The following PLXNB2 variants were observed in gnomAD, a reference collection of about 807,000 sequenced individuals.
The protein encoded by PLXNB2 is plexin-B2.
Under a neutral mutation model 202.6 loss-of-function variants are expected in PLXNB2, and 85 were observed. The ratio of observed to expected loss-of-function variants is 0.42; its 90% CI spans 0.35 to 0.50. The LOEUF (loss-of-function observed/expected upper bound fraction) is 0.50, where lower values mean the gene tolerates loss of function less well. Ranked by LOEUF, PLXNB2 falls within the 20% of genes least tolerant of loss-of-function variation. PLXNB2 has a pLI of 0.02. For missense variants in PLXNB2, 2,063 were observed against 2,586.2 expected (o/e 0.80, Z 4.39); for synonymous variants, 1,239 against 1,137.6 (o/e 1.09, Z -1.79).
intron 1 of PLXNB2, among the ~76,000 whole-genome samples, chr22:50,302,653 C>T (rs1601781722): frequency 6.6e-6 from 1 of 152,184 alleles, no homozygotes; most frequent in Non-Finnish European, 1.5e-5. Flanking sequence ...TCGGTGCCAA[C>T]ATAGGAGTGG....
rs764718458 is a variant in PLXNB2, at chr22:50,280,662, G to T, written c.4002C>A (p.His1334Gln). Residue 1334 changes from histidine (H) to glutamine (Q), a missense_variant, in exon 25 of 37, where the codon CAC (histidine) becomes CAA (glutamine). Coordinates refer to ENST00000359337, the MANE Select transcript of PLXNB2 (RefSeq NM_012401.4). Reference protein sequence around the residue: ...NSKSFLINFIHTLENQREFSA... With the variant: ...NSKSFLINFIQTLENQREFSA... ...AGAACTCCCGCTGGTTCTCCAGGGTGTGGATGAACTGTAGGGGCCGGCGGT... is the reference window on the plus strand; with the variant it reads ...AGAACTCCCGCTGGTTCTCCAGGGTTTGGATGAACTGTAGGGGCCGGCGGT... 3 of 1,612,080 alleles carry T rather than the reference G, an allele frequency of 1.9e-6. No homozygotes were observed. Among genetic ancestry groups the T allele is most frequent in the Non-Finnish European group, 2.5e-6 (3 of 1,179,534 alleles).
At chr22:50,276,785 C>T in intron 34 of PLXNB2, 57 bp downstream of exon 34, 7 of 1,598,532 alleles carry the variant, frequency 4.4e-6, no homozygotes, top group South Asian at 1.1e-5. Flanking sequence ...CCTGAACCTC[C>T]CCGCAGGGGG....
At chr22:50,292,102 C>G (rs2066909126) in intron 2 of PLXNB2, among the ~76,000 whole-genome samples, 1 of 152,184 alleles carries the variant, frequency 6.6e-6, no homozygotes, top group South Asian at 2.1e-4. Flanking sequence ...CCTTGGGAGG[C>G]CGAGGCGGGC....
chr22:50,292,508 G>A lies in PLXNB2; in HGVS notation c.-13-1911C>T, dbSNP rs144488854. On this transcript the variant is annotated intron_variant, in intron 2 of 36. Transcript: ENST00000359337. The stretch of plus-strand genomic sequence containing the variant: ...AGCAGAATTTACCCAAGGCCACACC[G>A]CGGGCATGGGTGGGGCTGGGATTCT... Among the ~76,000 whole-genome samples, 127 of 152,234 alleles carry A rather than the reference G, an allele frequency of 8.3e-4. 1 individual carries two copies. Among genetic ancestry groups the A allele is most frequent in the African/African-American group, 2.8e-3 (118 of 41,534 alleles).
chr22:50,293,343 G>A (rs533039710), intron 2 of PLXNB2, among the ~76,000 whole-genome samples: 2 of 152,142 alleles, frequency 1.3e-5, no homozygotes, highest in Non-Finnish European at 2.9e-5. Context: ...GCGCCTGCCC[G>A]AAGGCTCCCC....
At position 50,287,203 on chromosome 22, in the gene PLXNB2, A is replaced by C; in HGVS notation, c.1670T>G (p.Phe557Cys). 1 of 1,550,130 alleles carries C rather than the reference A, an allele frequency of 6.5e-7. No homozygotes were observed. Among genetic ancestry groups the C allele is most frequent in the Non-Finnish European group, 8.7e-7 (1 of 1,146,798 alleles). Residue 557 changes from phenylalanine (F) to cysteine (C), a missense_variant, in exon 8 of 37, where the codon TTT becomes TGT. Transcript: ENST00000359337. ...GGCGGGGTGTGGCGGCGACTCCCCA[A>C]AAAGGCACAGCAACTCGTCCTCCTC... Reference protein sequence around the residue: ...LSEEDELLCLFGESPPHPARV... With the variant: ...LSEEDELLCLCGESPPHPARV...
At chr22:50,303,476 C>G (rs1347033888) in intron 1 of PLXNB2, among the ~76,000 whole-genome samples, 1 of 152,192 alleles carries the variant, frequency 6.6e-6, no homozygotes, top group Non-Finnish European at 1.5e-5. Context: ...AACAGAAGGT[C>G]ACCTGGGAAG....
intron 1 of PLXNB2, among the ~76,000 whole-genome samples, chr22:50,296,972 G>A (rs1002674520): frequency 2.6e-5 from 4 of 152,212 alleles, no homozygotes; most frequent in South Asian, 4.1e-4. Context: ...AAAGGGCTGG[G>A]GAGAGGATGA....
Position 50,306,508 on chromosome 22 carries a change from G to A in PLXNB2, c.-74+1045C>T, listed in dbSNP as rs185586486. 3.9e-3 allele frequency among the ~76,000 whole-genome samples: 588 copies of A among 151,446 alleles called. 4 individuals carry two copies. The highest frequency in any genetic ancestry group is 0.013 in the African/African-American group (526 of 41,370). ...AGAGCCCCCACTTCCCGGCAGCCTC[G>A]CTCTCCCACCCGCAAAGGGCTCCTG... On this transcript the variant is annotated intron_variant, in intron 1 of 36. Transcript: ENST00000359337.
At position 50,287,124 on chromosome 22, in the gene PLXNB2, T is replaced by C. The variant is rs28513473; in HGVS notation, c.1749A>G (p.Thr583=). The C allele has an allele frequency of 0.1, 156,709 of 1,524,128 alleles. 9,459 individuals carry two copies. Among genetic ancestry groups the C allele is most frequent in the East Asian group, 0.27 (10,900 of 40,208 alleles). The allele number at this position is 1,524,128 out of a possible 1,614,324, so 94.4% of individuals were successfully genotyped here. The change falls in exon 8 of 37, where the codon ACA becomes ACG. Residue 583 remains threonine, a synonymous_variant. Transcript: ENST00000359337. The part of the protein sequence containing the change: ...ICNSPSSIPV[T]PPGQDHVAVT... ...AAGGGGCCTCACCCTGGCCTGGCGG[T>C]GTGACGGGGATGCTGCTTGGGGAGT...
intron 27 of PLXNB2, among the ~76,000 whole-genome samples, chr22:50,279,339 G>A (rs539189989): frequency 6.6e-6 from 1 of 152,350 alleles, no homozygotes; most frequent in South Asian, 2.1e-4. Flanking sequence ...CACTGGTCAT[G>A]TATGCACAGA....
chr22:50,289,554 G>A lies in PLXNB2; in HGVS notation c.1031C>T (p.Pro344Leu). 6.2e-7 allele frequency: 1 copy of A among 1,611,986 alleles called. No individual in the cohort carries two copies. Among genetic ancestry groups the A allele is most frequent in the Non-Finnish European group, 8.5e-7 (1 of 1,179,864 alleles). The change falls in exon 3 of 37, where the codon CCC becomes CTC. Residue 344 changes from proline (P) to leucine (L), a missense_variant. Pro to Leu is a moderately conservative substitution (Grantham distance 98). This residue lies in a region of PLXNB2 where 1,303 missense variants were observed against 1,476.8 expected (regional missense o/e 0.88). Transcript: ENST00000359337. The surrounding 1 kb of genome is among the most constrained non-coding windows in gnomAD (Gnocchi z 8.0). Reference sequence around the variant, plus strand: ...GCCGCACTGGATATCGCCGTGGAAGGGCTTGTAGAAGATGTCACGGGCCTC... The same window carrying A: ...GCCGCACTGGATATCGCCGTGGAAGAGCTTGTAGAAGATGTCACGGGCCTC... ...TREARDIFYKPFHGDIQCGGH... is the reference protein window; with the variant it reads ...TREARDIFYKLFHGDIQCGGH...
rs111676082 is a variant in PLXNB2, at chr22:50,290,926, G to A, written c.-13-329C>T. Among the ~76,000 whole-genome samples, 1,262 of 152,228 alleles carry A rather than the reference G, an allele frequency of 8.3e-3. 16 individuals are homozygous for A. The highest frequency in any genetic ancestry group is 0.028 in the African/African-American group (1,179 of 41,522). Reference sequence around the variant, plus strand: ...GCAAGGAGTTGACGCCCCCAGAAAGGCTCTCAAGTGCTCACATTCATGCCC... The same window carrying A: ...GCAAGGAGTTGACGCCCCCAGAAAGACTCTCAAGTGCTCACATTCATGCCC... On this transcript the variant is annotated intron_variant, in intron 2 of 36. Coordinates refer to ENST00000359337, the MANE Select transcript of PLXNB2 (RefSeq NM_012401.4).
Position 50,280,890 on chromosome 22 carries a change from G to A in PLXNB2, c.3847C>T (p.Arg1283Cys), listed in dbSNP as rs201960199. 3.3e-5 allele frequency: 53 copies of A among 1,613,470 alleles called. No individual in the cohort carries two copies. The highest frequency in any genetic ancestry group is 4.0e-5 in the African/African-American group (3 of 74,906). ...TCCTTGGAGGGCAGGAAGAAGACGC[G>A]GTCGGTGTAGGTCTTGTAGTCCAGC... is the stretch of plus-strand genomic sequence containing the variant. ...PVLDYKTYTD[R>C]VFFLPSKDGD... Residue 1283 changes from arginine to cysteine, a missense_variant, in exon 24 of 37, where the codon CGC (arginine) becomes TGC (cysteine). By Grantham distance (180) the Arg-to-Cys change is radical. Around this residue, in one of 2 missense-constraint regions of PLXNB2, gnomAD observed 760 missense variants for 1,109.4 expected, o/e 0.69. Transcript: ENST00000359337.
rs751397463 is a variant in PLXNB2, at chr22:50,287,767, C to T, written c.1508G>A (p.Arg503Gln). 20 of 1,582,300 alleles carry T rather than the reference C, an allele frequency of 1.3e-5. 1 individual carries two copies. The highest frequency in any genetic ancestry group is 8.8e-5 in the Admixed American group (5 of 56,614). ...GRCTRKAECPRAEEASHWLWS... is the reference protein window; with the variant it reads ...GRCTRKAECPQAEEASHWLWS... ...CAGCCAGTGGCTGGCCTCCTCGGCC[C>T]GCGGACACTCGGCCTTCCGGGTGCA... Residue 503 changes from arginine to glutamine, a missense_variant, in exon 7 of 37, where the codon CGG (arginine) becomes CAG (glutamine). This residue lies in a region of PLXNB2 where 1,303 missense variants were observed against 1,476.8 expected (regional missense o/e 0.88). Coordinates refer to ENST00000359337, the MANE Select transcript of PLXNB2 (RefSeq NM_012401.4).
intron 8 of PLXNB2, 38 bp from the exon 9 acceptor site, chr22:50,286,325 C>T (rs371814234): frequency 1.0e-5 from 15 of 1,507,256 alleles, no homozygotes; most frequent in East Asian, 2.3e-5. Context: ...AGGTGGCGGC[C>T]GCAGGGCCGA....
chr22:50,276,314 A>G (rs373108989), intron 35 of PLXNB2, among the ~76,000 whole-genome samples: 763 of 4,178 alleles, frequency 0.18, no homozygotes, highest in African/African-American at 0.25. Flanking sequence ...ACGGCCGTGG[A>G]TGGAGCCGCA....
Position 50,277,666 on chromosome 22 carries a change from C to T in PLXNB2, c.5121G>A (p.Val1707=), listed in dbSNP as rs961918803. The T allele has an allele frequency of 3.1e-6, 5 of 1,608,942 alleles. No homozygotes were observed. Among genetic ancestry groups the T allele is most frequent in the Admixed American group, 1.7e-5 (1 of 59,776 alleles). ...CGATGACTGACAGCGAGGCGTCCACCACCTCGTGGACATGCACGTCAAAGA... is the reference window on the plus strand; with the variant it reads ...CGATGACTGACAGCGAGGCGTCCACTACCTCGTGGACATGCACGTCAAAGA... ...HFIFDVHVHE[V]VDASLSVIAQ... The change falls in exon 33 of 37, where the codon GTG becomes GTA. Residue 1707 remains valine (V), a synonymous_variant. Transcript: ENST00000359337.
At chr22:50,306,236 C>A (rs2067877784) in intron 1 of PLXNB2, among the ~76,000 whole-genome samples, 1 of 152,202 alleles carries the variant, frequency 6.6e-6, no homozygotes, top group Admixed American at 6.5e-5. Context: ...CCTCCCAGAC[C>A]CCCCGGGACA....
Sources: gnomAD v4.1 joint callset for allele counts (sites outside exome capture counted in the v4.1 genomes callset) on GRCh38, gnomAD v4.1.1 for gene constraint, gnomAD v4.1.1 regional missense constraint, Gnocchi (gnomAD v3.1) non-coding constraint, MANE v1.5 for transcripts, NCBI Gene and HGNC (gene_info 2026-07-23, HGNC 2026-07-21) for gene names.